CSMD1: variants seen among roughly 807,000 people sequenced by gnomAD.
CSMD1 encodes the protein CUB and Sushi multiple domains 1, also known as CUB and sushi domain-containing protein 1.
A neutral mutation model predicts 417.5 loss-of-function variants in CSMD1; 213 were observed. The ratio of observed to expected loss-of-function variants is 0.51; its 90% CI spans 0.46 to 0.57. CSMD1 has a LOEUF of 0.57. Among genes scored for constraint, CSMD1 ranks in the 20% least tolerant of loss-of-function variants. The pLI is 0.00. For synonymous variants in CSMD1, 2,862 were observed against 1,736.8 expected (o/e 1.65, Z -16.11); for missense variants, 6,923 against 4,529.7 (o/e 1.53, Z -15.17).
intron 3 of CSMD1, among the ~76,000 whole-genome samples, chr8:4,187,700 C>A (rs1299753481): frequency 9.9e-5 from 11 of 110,558 alleles, no homozygotes; most frequent in East Asian, 3.2e-4. Flanking sequence ...AAAAAGCATT[C>A]AGGAAGTTTA....
intron 7 of CSMD1, among the ~76,000 whole-genome samples, chr8:3,633,476 T>G (rs1204193410): frequency 3.3e-5 from 5 of 152,228 alleles, no homozygotes; most frequent in African/African-American, 1.2e-4. Flanking sequence ...AATACAAGTC[T>G]GTTCCCAATT....
intron 1 of CSMD1, among the ~76,000 whole-genome samples, chr8:4,685,585 AAAAGAAAG>A (rs375278505): frequency 5.3e-5 from 8 of 152,084 alleles, no homozygotes; most frequent in Admixed American, 3.3e-4. Context: ...TTAAAAGAAA[AAAAGAAAG>A]AAAGAAAGAA....
intron 3 of CSMD1, among the ~76,000 whole-genome samples, chr8:4,095,538 T>A (rs141205067): frequency 5.9e-5 from 9 of 152,212 alleles, no homozygotes; most frequent in African/African-American, 2.2e-4. Flanking sequence ...AATGTAAACA[T>A]GCAACTTTTA....
intron 3 of CSMD1, among the ~76,000 whole-genome samples, chr8:4,105,946 C>T (rs1463681157): frequency 6.6e-6 from 1 of 152,178 alleles, no homozygotes; most frequent in South Asian, 2.1e-4. Flanking sequence ...GAATACCTGA[C>T]CTGAATTAGC....
At position 3,814,946 on chromosome 8, in the gene CSMD1, C is replaced by T. The variant is rs554125771; in HGVS notation, c.819-60904G>A. ...TCTCATTACTTCTGAAGTCAGCCAT[C>T]CCAAAAAAATGATCTTTGAAAGACA... On this transcript the variant is annotated intron_variant, in intron 5 of 69. Coordinates refer to ENST00000635120, the MANE Select transcript of CSMD1 (RefSeq NM_033225.6). 2.5e-3 allele frequency among the ~76,000 whole-genome samples: 380 copies of T among 151,986 alleles called. 1 individual carries two copies. Among genetic ancestry groups the T allele is most frequent in the South Asian group, 0.012 (59 of 4,792 alleles).
intron 1 of CSMD1, among the ~76,000 whole-genome samples, chr8:4,918,401 C>T (rs6558939): frequency 0.58 from 88,660 of 152,018 alleles, 26,301 homozygotes; most frequent in East Asian, 0.86. Flanking sequence ...ACCTTTCTGC[C>T]GATTCTTGCA....
At position 3,214,582 on chromosome 8, in the gene CSMD1, A is replaced by G. The variant is rs2116818331; in HGVS notation, c.4782T>C (p.Tyr1594=). The change falls in exon 30 of 70, where the codon TAT becomes TAC. Residue 1594 remains tyrosine (Y), a synonymous_variant. Transcript: ENST00000635120. ...TGATGGATGAGGGGTCAAGAATCTT[A>G]TAGCCAGAGTCACACTGGTAGGTGA... The part of the protein sequence containing the change: ...STITYQCDSG[Y]KILDPSSITC... 6.3e-7 allele frequency: 1 copy of G among 1,580,114 alleles called. No homozygotes were observed. Among genetic ancestry groups the G allele is most frequent in the South Asian group, 1.2e-5 (1 of 85,884 alleles).
At chr8:4,342,826 G>A (rs1355411343) in intron 3 of CSMD1, among the ~76,000 whole-genome samples, 1 of 151,994 alleles carries the variant, frequency 6.6e-6, no homozygotes. Context: ...ACATCGCAAA[G>A]AAAAAGCAGG....
At chr8:4,213,486 A>G (rs1210380844) in intron 3 of CSMD1, among the ~76,000 whole-genome samples, 1 of 152,250 alleles carries the variant, frequency 6.6e-6, no homozygotes, top group Non-Finnish European at 1.5e-5. Context: ...ACTAGAATGA[A>G]AAACACTTGC....
At chr8:3,307,374 C>A (rs768731658) in intron 25 of CSMD1, among the ~76,000 whole-genome samples, 28 of 151,694 alleles carry the variant, frequency 1.8e-4, no homozygotes, top group Non-Finnish European at 3.2e-4. Context: ...CAGGCAGTCT[C>A]ACGCAGATCA....
rs533677151 is a variant in CSMD1 at position 4,842,998 on chromosome 8, C to T, written c.85+151334G>A. 2.0e-5 allele frequency among the ~76,000 whole-genome samples: 3 copies of T among 152,264 alleles called. No individual in the cohort carries two copies. The South Asian group carries it at 6.2e-4, about 32-fold the overall frequency. On this transcript the variant is annotated intron_variant, in intron 1 of 69. Coordinates refer to ENST00000635120, the MANE Select transcript of CSMD1 (RefSeq NM_033225.6). ...TGTTCAGAGCTTGTTGAATAGTCAT[C>T]TAACATGCTACTCCAGGACTCTAAC...
Position 4,922,594 on chromosome 8 carries a change from C to T in CSMD1, c.85+71738G>A, listed in dbSNP as rs75569472. Among the ~76,000 whole-genome samples the T allele has an allele frequency of 7.6e-4, 115 of 152,250 alleles. 1 individual carries two copies. In the East Asian group the frequency reaches 0.012, roughly 16 times the overall value. ...TGTTTTCTATAAAAGCTATTGATAG[C>T]GCTCATGAGAGAAGGTATGCAGATA... On this transcript the variant is annotated intron_variant, in intron 1 of 69. Transcript: ENST00000635120.
intron 7 of CSMD1, among the ~76,000 whole-genome samples, chr8:3,644,227 C>T (rs1233967158): frequency 2.0e-5 from 3 of 152,128 alleles, no homozygotes; most frequent in Non-Finnish European, 4.4e-5. Flanking sequence ...AATAAACTCC[C>T]CAGGTCGTTG....
At chr8:3,760,239 A>G (rs1345766743) in intron 5 of CSMD1, among the ~76,000 whole-genome samples, 3 of 152,216 alleles carry the variant, frequency 2.0e-5, no homozygotes, top group African/African-American at 7.2e-5. Flanking sequence ...CAGCTCCTTT[A>G]GAGATGGCAA....
intron 3 of CSMD1, among the ~76,000 whole-genome samples, chr8:4,394,508 G>A (rs1022555335): frequency 6.6e-5 from 10 of 152,158 alleles, no homozygotes; most frequent in African/African-American, 2.4e-4. Flanking sequence ...GTGTGAATGA[G>A]TGAGATGAGG....
chr8:3,542,325 G>A (rs958128120), intron 10 of CSMD1, among the ~76,000 whole-genome samples: 2 of 152,160 alleles, frequency 1.3e-5, no homozygotes, highest in African/African-American at 4.8e-5. Context: ...CAATCATTCA[G>A]ATGGTTCATT....
At chr8:3,304,506 G>A (rs372656321) in intron 25 of CSMD1, among the ~76,000 whole-genome samples, 15 of 151,958 alleles carry the variant, frequency 9.9e-5, no homozygotes, top group African/African-American at 2.9e-4. Context: ...AAACATTTTG[G>A]GATTAAGTTG....
intron 3 of CSMD1, among the ~76,000 whole-genome samples, chr8:4,276,495 G>T (rs1054589616): frequency 6.6e-6 from 1 of 152,162 alleles, no homozygotes; most frequent in African/African-American, 2.4e-5. Flanking sequence ...TAATACAGAT[G>T]ACGGGTTAGT....
intron 2 of CSMD1, among the ~76,000 whole-genome samples, chr8:4,631,398 GT>G (rs566703213): frequency 0.011 from 1,571 of 138,284 alleles, 10 homozygotes; most frequent in African/African-American, 0.018. Flanking sequence ...ACCTTGGTTT[GT>G]TTTTTTTTTT....
Sources: gnomAD v4.1 joint callset for allele counts (sites outside exome capture counted in the v4.1 genomes callset) on GRCh38, gnomAD v4.1.1 for gene constraint, MANE v1.5 for transcripts, NCBI Gene and HGNC (gene_info 2026-07-23, HGNC 2026-07-21) for gene names.